HOOK1: variants seen among roughly 807,000 people sequenced by gnomAD.
HOOK1 encodes protein Hook homolog 1.
HOOK1 carries 60 observed loss-of-function variants against 112.8 expected under a neutral mutation model. The ratio of observed to expected loss-of-function variants is 0.53; its 90% CI spans 0.43 to 0.66. The LOEUF (loss-of-function observed/expected upper bound fraction) is 0.66. Ranked by LOEUF, HOOK1 falls within the 30% of genes least tolerant of loss-of-function variation. HOOK1 has a pLI of 0.00. For missense variants in HOOK1, 770 were observed against 856.0 expected, an observed-to-expected ratio of 0.90 and a Z score of 1.25; for synonymous variants, 294 against 283.8, an observed-to-expected ratio of 1.04 and a Z score of -0.36.
chr1:59,849,755 A>C (rs2098406147), intron 12 of HOOK1, among the ~76,000 whole-genome samples: 1 of 151,154 alleles, frequency 6.6e-6, no homozygotes, highest in Non-Finnish European at 1.5e-5. Context: ...TTTGTGACTG[A>C]CTCTTGCAAG....
rs754368812 is a variant in HOOK1, at chr1:59,864,646, G to A, written c.1641G>A (p.Lys547=). The part of the protein sequence containing the change: ...KSEGESSSKL[K]QKLEAHMEKL... Reference sequence around the variant, plus strand: ...AAATTTTATAGTCCAGCAAATTAAAGCAGAAGTTGGAAGCTCATATGTAAG... The same window carrying A: ...AAATTTTATAGTCCAGCAAATTAAAACAGAAGTTGGAAGCTCATATGTAAG... Residue 547 remains lysine (K), a synonymous_variant, in exon 17 of 22, where the codon AAG becomes AAA. Transcript: ENST00000371208. 6.5e-7 allele frequency: 1 copy of A among 1,550,344 alleles called. No homozygotes were observed. The highest frequency in any genetic ancestry group is 8.9e-7 in the Non-Finnish European group (1 of 1,128,150).
chr1:59,848,339 A>G lies in HOOK1; in HGVS notation c.954A>G (p.Lys318=), dbSNP rs1408517894. 1 of 1,610,786 alleles carries G rather than the reference A, an allele frequency of 6.2e-7. No individual in the cohort carries two copies. ...VLRATSDKAN[K]LESTVEIYRQ... ...GGGCTACCTCTGATAAAGCAAATAA[A>G]CTGGAGTCAACAGTTGAGATATATC... The change falls in exon 11 of 22, where the codon AAA becomes AAG. Residue 318 remains lysine (K), a synonymous_variant. Transcript: ENST00000371208.
intron 2 of HOOK1, among the ~76,000 whole-genome samples, chr1:59,826,062 A>G (rs1259705631): frequency 1.3e-5 from 2 of 152,202 alleles, no homozygotes; most frequent in African/African-American, 4.8e-5. Context: ...TGACACAACT[A>G]TATTGTTTAT....
chr1:59,863,922 T>C (rs2098414921), intron 16 of HOOK1: 1 of 642,782 alleles, frequency 1.6e-6, no homozygotes. Flanking sequence ...AGAGAATACT[T>C]TTAAAATGAG....
chr1:59,823,126 C>T (rs551715149), intron 2 of HOOK1, among the ~76,000 whole-genome samples: 10 of 152,188 alleles, frequency 6.6e-5, no homozygotes, highest in Admixed American at 1.3e-4. Flanking sequence ...CGAGACCATC[C>T]TGGCTAACAT....
intron 5 of HOOK1, among the ~76,000 whole-genome samples, chr1:59,833,753 A>C (rs1485857910): frequency 6.6e-6 from 1 of 152,182 alleles, no homozygotes; most frequent in Non-Finnish European, 1.5e-5. Flanking sequence ...TTCAGTGGCT[A>C]AATTAGATGT....
Position 59,865,918 on chromosome 1 carries a change from A to T in HOOK1, c.1791A>T (p.Glu597Asp). The T allele has an allele frequency of 6.9e-6, 11 of 1,597,384 alleles. No individual in the cohort carries two copies. The highest frequency in any genetic ancestry group is 9.4e-6 in the Non-Finnish European group (11 of 1,172,274). Reference protein sequence around the residue: ...ELEAALQKKDEDMKAMEERYK... With the variant: ...ELEAALQKKDDDMKAMEERYK... ...AAGCTGCTCTTCAGAAGAAAGATGA[A>T]GATATGAAAGCAATGGAGGAAAGAT... Residue 597 changes from glutamate (E) to aspartate (D), a missense_variant, in exon 19 of 22, where the codon GAA becomes GAT. By Grantham distance (45) the Glu-to-Asp change is conservative. Coordinates refer to ENST00000371208, the MANE Select transcript of HOOK1 (RefSeq NM_015888.6).
intron 1 of HOOK1, 88 bp downstream of exon 1, chr1:59,815,268 T>C (rs1166071688): frequency 7.9e-7 from 1 of 1,261,452 alleles, no homozygotes; most frequent in Non-Finnish European, 1.1e-6. Context: ...GAGCTGGGGC[T>C]ACCTGCACAG....
intron 2 of HOOK1, among the ~76,000 whole-genome samples, chr1:59,826,066 T>A (rs1020013398): frequency 6.6e-6 from 1 of 152,230 alleles, no homozygotes; most frequent in African/African-American, 2.4e-5. Flanking sequence ...ACAACTATAT[T>A]GTTTATAGTA....
intron 12 of HOOK1, among the ~76,000 whole-genome samples, chr1:59,850,747 A>G (rs1435655564): frequency 6.6e-6 from 1 of 151,574 alleles, no homozygotes; most frequent in Non-Finnish European, 1.5e-5. Context: ...AAACTGCAAT[A>G]TAAATGATGG....
intron 15 of HOOK1, among the ~76,000 whole-genome samples, chr1:59,861,418 G>A (rs1222461676): frequency 6.6e-6 from 1 of 152,128 alleles, no homozygotes; most frequent in Non-Finnish European, 1.5e-5. Context: ...GTGTCTTCAG[G>A]TGTAAATACA....
intron 1 of HOOK1, among the ~76,000 whole-genome samples, chr1:59,816,081 C>T (rs1300826466): frequency 1.3e-5 from 2 of 152,128 alleles, no homozygotes; most frequent in East Asian, 3.9e-4. Flanking sequence ...TGATGATGCT[C>T]ATCCCAAACC....
At chr1:59,815,363 C>T (rs1241410151) in intron 1 of HOOK1, 183 bp downstream of exon 1, 1 of 600,784 alleles carries the variant, frequency 1.7e-6, no homozygotes, top group African/African-American at 1.9e-5. Flanking sequence ...TGTGTGGGCG[C>T]GGGTTGGTGT....
chr1:59,872,831 C>CT lies in HOOK1; in HGVS notation c.2055dup (p.Val686CysfsTer9). The stretch of plus-strand genomic sequence containing the variant: ...CCAGAAACTGGGGATGGAATCTAGA[C>CT]TTGTGAGCGGCGGTGGTGCCTGCAG... On this transcript the variant is annotated frameshift_variant, in exon 22 of 22. Transcript: ENST00000371208. LOFTEE classifies it high-confidence loss of function. 6.8e-7 allele frequency: 1 copy of CT among 1,470,198 alleles called. No individual in the cohort carries two copies. Among genetic ancestry groups the CT allele is most frequent in the Non-Finnish European group, 9.1e-7 (1 of 1,097,538 alleles). 91.1% of individuals were successfully genotyped at this position (1,470,198 alleles called of 1,614,324 possible).
intron 20 of HOOK1, 99 bp from the exon 21 acceptor site, chr1:59,870,943 T>G (rs1412684793): frequency 1.1e-5 from 9 of 802,826 alleles, no homozygotes; most frequent in Non-Finnish European, 1.5e-5. Context: ...GTGCAATCTT[T>G]AGATTCTCTC....
chr1:59,849,538 G>T (rs1354747074), intron 12 of HOOK1, among the ~76,000 whole-genome samples: 3 of 151,462 alleles, frequency 2.0e-5, no homozygotes. Context: ...ACAAGTCATT[G>T]GTTTTTAATA....
chr1:59,875,420 T>A lies in HOOK1; in HGVS notation c.*2455T>A, dbSNP rs1318680848. The A allele has an allele frequency of 6.6e-6, 1 of 152,620 alleles. No individual in the cohort carries two copies. Among genetic ancestry groups the A allele is most frequent in the Non-Finnish European group, 1.5e-5 (1 of 68,000 alleles). 9.5% of individuals were successfully genotyped at this position (152,620 alleles called of 1,614,324 possible). Reference sequence around the variant, plus strand: ...TAAAGTTCTGTATTATTGTGATTAATCATACAGAAATTCAGGAACTGATCA... The same window carrying A: ...TAAAGTTCTGTATTATTGTGATTAAACATACAGAAATTCAGGAACTGATCA... On this transcript the variant is annotated 3_prime_UTR_variant, in exon 22 of 22. Transcript: ENST00000371208.
intron 12 of HOOK1, among the ~76,000 whole-genome samples, chr1:59,854,218 A>G (rs1386862110): frequency 6.7e-6 from 1 of 150,058 alleles, no homozygotes; most frequent in East Asian, 2.0e-4. Context: ...TGCCTGACTA[A>G]TTTTTGTACT....
intron 5 of HOOK1, among the ~76,000 whole-genome samples, chr1:59,834,165 T>C (rs892707661): frequency 6.6e-6 from 1 of 152,164 alleles, no homozygotes; most frequent in Admixed American, 6.6e-5. Flanking sequence ...GTGGTGAGAC[T>C]TTTGACGCTG....
Sources: allele counts gnomAD v4.1 joint callset (sites outside exome capture counted in the v4.1 genomes callset), GRCh38; gene constraint gnomAD v4.1.1; transcripts MANE v1.5; gene names NCBI Gene and HGNC (gene_info 2026-07-23, HGNC 2026-07-21).